EIF2B1: variants seen among roughly 807,000 people sequenced by gnomAD.
The protein encoded by EIF2B1 is eukaryotic translation initiation factor 2B subunit alpha.
In EIF2B1, 30 loss-of-function variants were observed where a neutral mutation model predicts 36.8. The ratio of observed to expected loss-of-function variants is 0.81; its 90% confidence interval spans 0.61 to 1.10. The LOEUF is 1.10. EIF2B1 is among the 50% of genes least tolerant of loss of function. The probability of loss-of-function intolerance (pLI) is 0.00; values close to 1 mark genes in which losing one functional copy is unlikely to be tolerated. For synonymous variants in EIF2B1, 139 were observed against 142.2 expected, an observed-to-expected ratio of 0.98 and a Z score of 0.16; for missense variants, 271 against 374.8, an observed-to-expected ratio of 0.72 and a Z score of 2.29.
In EIF2B1 at chr12:123,630,661, T is replaced by C; in HGVS notation, c.116-128A>G. On this transcript the variant is annotated intron_variant, in intron 2 of 8. Transcript: ENST00000424014. This position sits in a 1 kb window ranked among gnomAD's most constrained non-coding sequence, Gnocchi z 4.6. Reference sequence around the variant, plus strand: ...ACTATATACCAGGCACTATTCTAGATGCTAGGGATACATCAGTGAACAAGA... The same window carrying C: ...ACTATATACCAGGCACTATTCTAGACGCTAGGGATACATCAGTGAACAAGA... 1 of 1,297,304 alleles carries C rather than the reference T, an allele frequency of 7.7e-7. No individual in the cohort carries two copies. Among genetic ancestry groups the C allele is most frequent in the Non-Finnish European group, 1.1e-6 (1 of 922,404 alleles). 80.4% of individuals were successfully genotyped at this position (1,297,304 alleles called of 1,614,324 possible).
At chr12:123,633,237 A>T (rs17551996) in intron 1 of EIF2B1, among the ~76,000 whole-genome samples, 1 of 148,930 alleles carries the variant, frequency 6.7e-6, no homozygotes, top group East Asian at 2.0e-4. Flanking sequence ...CTTAATAACC[A>T]TACTAGATGA....
intron 2 of EIF2B1, among the ~76,000 whole-genome samples, chr12:123,632,028 G>T (rs1391206511): frequency 6.6e-6 from 1 of 151,640 alleles, no homozygotes; most frequent in Non-Finnish European, 1.5e-5. Flanking sequence ...CTAGCACTTT[G>T]GGAGGCCAAA....
intron 4 of EIF2B1, among the ~76,000 whole-genome samples, chr12:123,629,491 CTG>C (rs1472979076): frequency 1.6e-4 from 25 of 152,280 alleles, no homozygotes; most frequent in Non-Finnish European, 1.9e-4. Context: ...TAGTAAAACA[CTG>C]TATTAAATCA....
rs772193640 is a variant in EIF2B1, at chr12:123,632,373, C to A, written c.87G>T (p.Thr29=). The change falls in exon 2 of 9, where the codon ACG becomes ACT. Residue 29 remains threonine (T), a synonymous_variant. Coordinates refer to ENST00000424014, the MANE Select transcript of EIF2B1 (RefSeq NM_001414.4). ...DMASAVAAIR[T]LLEFLKRDKG... ...TATCTCTCTTCAAGAACTCCAGCAA[C>A]GTCCGGATGGCAGCCACTGCTGAGG... The A allele has an allele frequency of 6.2e-7, 1 of 1,613,196 alleles. No individual in the cohort carries two copies.
In EIF2B1 at chr12:123,626,495, T is replaced by G; in HGVS notation, c.483-2A>C. Reference sequence around the variant, plus strand: ...CAGAGGGCTTTGGCCATTTTCTTACTGAAGATGACATTTTGAGAACGTTAG... The same window carrying G: ...CAGAGGGCTTTGGCCATTTTCTTACGGAAGATGACATTTTGAGAACGTTAG... On this transcript the variant is annotated splice_acceptor_variant, in intron 5 of 8. Transcript: ENST00000424014. LOFTEE classifies it high-confidence loss of function. The G allele has an allele frequency of 6.2e-7, 1 of 1,614,136 alleles. No individual in the cohort carries two copies. The highest frequency in any genetic ancestry group is 8.5e-7 in the Non-Finnish European group (1 of 1,179,982).
intron 5 of EIF2B1, chr12:123,626,772 TAA>T: frequency 3.1e-6 from 2 of 654,512 alleles, no homozygotes; most frequent in South Asian, 3.5e-5. Context: ...GAGGGAGATA[TAA>T]GTTACCTATT....
intron 7 of EIF2B1, 130 bp downstream of exon 7, chr12:123,624,657 C>G (rs995117262): frequency 2.5e-6 from 2 of 803,854 alleles, no homozygotes; most frequent in Non-Finnish European, 4.3e-6. Flanking sequence ...GGCAACAACT[C>G]AATACCATGA....
chr12:123,624,909 G>A (rs763854188), intron 6 of EIF2B1, 47 bp from the exon 7 acceptor site: 12 of 1,500,110 alleles, frequency 8.0e-6, no homozygotes, highest in Middle Eastern at 1.7e-4. Context: ...TGGCTCTAAC[G>A]AGTAGCATCA....
intron 4 of EIF2B1, chr12:123,629,941 CT>C: frequency 8.3e-6 from 5 of 605,266 alleles, no homozygotes; most frequent in Non-Finnish European, 1.5e-5. Flanking sequence ...ATACCAAGCC[CT>C]CACACCCCTT....
intron 2 of EIF2B1, among the ~76,000 whole-genome samples, chr12:123,631,448 G>A (rs112174307): frequency 0.014 from 2,142 of 152,140 alleles, 41 homozygotes; most frequent in African/African-American, 0.048. Context: ...CGAGGCGGAC[G>A]GATCACCTGA....
intron 2 of EIF2B1, among the ~76,000 whole-genome samples, chr12:123,631,732 G>T (rs1955189590): frequency 1.3e-5 from 2 of 152,000 alleles, no homozygotes; most frequent in South Asian, 4.1e-4. Flanking sequence ...GCATGAACCT[G>T]GGAAGCGGAG....
intron 4 of EIF2B1, among the ~76,000 whole-genome samples, chr12:123,628,989 G>C (rs1955168793): frequency 6.6e-6 from 1 of 151,462 alleles, no homozygotes; most frequent in Non-Finnish European, 1.5e-5. Context: ...TCTGTGGAAG[G>C]AGAAGGCCCC....
intron 7 of EIF2B1, among the ~76,000 whole-genome samples, chr12:123,623,628 A>T (rs1038353197): frequency 2.0e-5 from 3 of 151,990 alleles, no homozygotes; most frequent in Non-Finnish European, 4.4e-5. Context: ...ACCCGCCACC[A>T]TGCCCAGCTA....
chr12:123,624,730 G>T, intron 7 of EIF2B1, 57 bp downstream of exon 7: 2 of 1,445,004 alleles, frequency 1.4e-6, no homozygotes, highest in Admixed American at 3.3e-5. Context: ...GGTGTCCTAG[G>T]TCAGCAAGAC....
intron 7 of EIF2B1, among the ~76,000 whole-genome samples, chr12:123,623,235 G>C (rs1193659117): frequency 1.3e-5 from 2 of 151,672 alleles, no homozygotes; most frequent in Non-Finnish European, 2.9e-5. Flanking sequence ...CAAAAAATTA[G>C]CTGGGCATGG....
chr12:123,626,328 G>T, intron 6 of EIF2B1, 97 bp downstream of exon 6: 3 of 1,464,340 alleles, frequency 2.0e-6, no homozygotes, highest in Non-Finnish European at 1.9e-6. Flanking sequence ...ACCTGGTGTG[G>T]CTTTATGAAC....
In EIF2B1 at chr12:123,632,567, T is replaced by C. The variant is rs1053063709; in HGVS notation, c.14-121A>G. On this transcript the variant is annotated intron_variant, in intron 1 of 8. Transcript: ENST00000424014. ...TTTAAAAAATACTTTCTTTTTAGGG[T>C]ATTTGGTTTCAGGGATGCAATAAAT... 3.5e-4 allele frequency: 263 copies of C among 751,946 alleles called. 2 individuals are homozygous for C. The highest frequency in any genetic ancestry group is 3.9e-4 in the Non-Finnish European group (168 of 430,382). The allele number at this position is 751,946 out of a possible 1,614,324, so 46.6% of individuals were successfully genotyped here. A position where few individuals can be genotyped will look rare whatever the true frequency, so the allele number is the denominator to read the frequency against.
At chr12:123,623,863 A>G (rs978250946) in intron 7 of EIF2B1, among the ~76,000 whole-genome samples, 1 of 152,124 alleles carries the variant, frequency 6.6e-6, no homozygotes, top group Non-Finnish European at 1.5e-5. Context: ...AATTGAGGTC[A>G]AATGTGCTCA....
chr12:123,621,868 T>C lies in EIF2B1; in HGVS notation c.806A>G (p.Glu269Gly). The C allele has an allele frequency of 6.2e-7, 1 of 1,614,084 alleles. No homozygotes were observed. Among genetic ancestry groups the C allele is most frequent in the Non-Finnish European group, 8.5e-7 (1 of 1,180,028 alleles). ...GGCAGTGTAGTCGACCCACGGATGC[T>C]CCTCTTTGAGGTCTTGTCCAGTCTG... is the stretch of plus-strand genomic sequence containing the variant. ...VAQTGQDLKE[E>G]HPWVDYTAPS... The change falls in exon 9 of 9, where the codon GAG (glutamate) becomes GGG (glycine). Residue 269 changes from glutamate to glycine, a missense_variant. Coordinates refer to ENST00000424014, the MANE Select transcript of EIF2B1 (RefSeq NM_001414.4).
Sources: allele counts gnomAD v4.1 joint callset (sites outside exome capture counted in the v4.1 genomes callset), GRCh38; gene constraint gnomAD v4.1.1; non-coding constraint Gnocchi (gnomAD v3.1); transcripts MANE v1.5; gene names NCBI Gene and HGNC (gene_info 2026-07-23, HGNC 2026-07-21).